Variants in MGAM2 observed in about 807,000 individuals in gnomAD.
MGAM2 encodes maltase-glucoamylase 2 (putative), also known as probable maltase-glucoamylase 2.
Under a neutral mutation model 96.1 loss-of-function variants are expected in MGAM2, and 98 were observed. The ratio of observed to expected loss-of-function variants is 1.02; its 90% CI spans 0.87 to 1.21. The LOEUF (loss-of-function observed/expected upper bound fraction) is 1.21, where lower values mean the gene tolerates loss of function less well. Ranked by LOEUF, MGAM2 falls within the 50% of genes most tolerant of loss-of-function variation. The pLI, the probability that MGAM2 is intolerant of heterozygous loss-of-function variation, is 0.00. For missense variants in MGAM2, 2,055 were observed against 1,182.4 expected, an observed-to-expected ratio of 1.74 and a Z score of -10.82; for synonymous variants, 749 against 414.8, an observed-to-expected ratio of 1.81 and a Z score of -9.79.
chr7:142,197,509 A>G lies in MGAM2; in HGVS notation c.4742A>G (p.His1581Arg), dbSNP rs1563289715. ...PYLYTLMHKA[H>R]VEGSTVVRPL... Reference sequence around the variant, plus strand: ...CTCTATACTCTGATGCATAAAGCTCACGTTGAGGGCAGCACAGTTGTCCGG... The same window carrying G: ...CTCTATACTCTGATGCATAAAGCTCGCGTTGAGGGCAGCACAGTTGTCCGG... The change falls in exon 41 of 48, where the codon CAC becomes CGC. Residue 1581 changes from histidine (H) to arginine (R), a missense_variant. Transcript: ENST00000477922. The G allele has an allele frequency of 1.4e-6, 1 of 703,040 alleles. No homozygotes were observed. Among genetic ancestry groups the G allele is most frequent in the Non-Finnish European group, 2.6e-6 (1 of 385,060 alleles). 43.6% of individuals were successfully genotyped at this position (703,040 alleles called of 1,614,324 possible).
intron 32 of MGAM2, among the ~76,000 whole-genome samples, chr7:142,177,065 G>A (rs1796401209): frequency 6.6e-6 from 1 of 152,122 alleles, no homozygotes; most frequent in African/African-American, 2.4e-5. Flanking sequence ...TTACAAAAGT[G>A]TATTGTGTAA....
In MGAM2 at chr7:142,120,528, A is replaced by C. The variant is rs1794538888; in HGVS notation, c.186+147A>C. On this transcript the variant is annotated intron_variant, in intron 3 of 47. Coordinates refer to ENST00000477922, the MANE Select transcript of MGAM2 (RefSeq NM_001293626.2). Reference sequence around the variant, plus strand: ...TTCTTTCTTATCTTATTGAAATAACAATATTAAGATCGTGAGGGAAGCAGG... The same window carrying C: ...TTCTTTCTTATCTTATTGAAATAACCATATTAAGATCGTGAGGGAAGCAGG... The C allele has an allele frequency of 5.4e-6, 3 of 554,506 alleles. No individual in the cohort carries two copies. The Admixed American group carries it at 9.1e-5, about 17-fold the overall frequency. The allele number at this position is 554,506 out of a possible 1,614,324, so 34.3% of individuals were successfully genotyped here.
chr7:142,150,445 C>T (rs1795540497), intron 15 of MGAM2, among the ~76,000 whole-genome samples: 1 of 152,068 alleles, frequency 6.6e-6, no homozygotes, highest in Non-Finnish European at 1.5e-5. Flanking sequence ...TTATCATCAT[C>T]CCTCACACAA....
At chr7:142,145,063 C>G in intron 14 of MGAM2, 118 bp downstream of exon 14, 2 of 607,876 alleles carry the variant, frequency 3.3e-6, no homozygotes, top group South Asian at 4.0e-5. Context: ...TCCTAAACAT[C>G]CTGAGCACTC....
At chr7:142,165,062 G>T (rs1175479098) in intron 24 of MGAM2, 39 bp downstream of exon 24, 2 of 644,894 alleles carry the variant, frequency 3.1e-6, no homozygotes, top group South Asian at 1.8e-5. Context: ...CTTTCCAGAG[G>T]CCTTGGCTCT....
At chr7:142,145,497 T>G (rs546268927) in intron 14 of MGAM2, among the ~76,000 whole-genome samples, 1 of 152,284 alleles carries the variant, frequency 6.6e-6, no homozygotes, top group Admixed American at 6.5e-5. Context: ...CCATTTCTAG[T>G]CAAGGTCAAT....
intron 7 of MGAM2, among the ~76,000 whole-genome samples, chr7:142,135,410 C>T (rs958393286): frequency 3.3e-5 from 5 of 152,002 alleles, no homozygotes; most frequent in Non-Finnish European, 7.4e-5. Context: ...TGTTTTTCTT[C>T]CTTTCTTTTT....
rs560088989 is a variant in MGAM2 at position 142,196,807 on chromosome 7, C to T, written c.4623C>T (p.Ile1541=). Residue 1541 remains isoleucine (I), a synonymous_variant, in exon 40 of 48, where the codon ATC becomes ATT. Transcript: ENST00000477922. The part of the protein sequence containing the change: ...FYPFSRNHNN[I]GTRRQDPVAW... Reference sequence around the variant, plus strand: ...CATTTTCCAGAAACCACAACAACATCGGGACAAGGGTGAGGCAGTAGTTCG... The same window carrying T: ...CATTTTCCAGAAACCACAACAACATTGGGACAAGGGTGAGGCAGTAGTTCG... The T allele has an allele frequency of 1.5e-5, 12 of 779,882 alleles. No individual in the cohort carries two copies. Among genetic ancestry groups the T allele is most frequent in the East Asian group, 4.9e-5 (2 of 41,186 alleles). 48.3% of individuals were successfully genotyped at this position (779,882 alleles called of 1,614,324 possible). A position where few individuals can be genotyped will look rare whatever the true frequency, so the allele number is the denominator to read the frequency against.
At chr7:142,192,534 T>C (rs1212304067) in intron 37 of MGAM2, among the ~76,000 whole-genome samples, 2 of 152,196 alleles carry the variant, frequency 1.3e-5, no homozygotes, top group African/African-American at 4.8e-5. Flanking sequence ...CAGAAAGTCT[T>C]CATAGAAGAA....
At chr7:142,203,164 A>G (rs1044567651) in intron 45 of MGAM2, among the ~76,000 whole-genome samples, 11 of 152,168 alleles carry the variant, frequency 7.2e-5, no homozygotes, top group Non-Finnish European at 1.2e-4. Context: ...AGTTTCTTAT[A>G]GAATCTGGAT....
chr7:142,138,321 T>G (rs970796474), intron 9 of MGAM2, among the ~76,000 whole-genome samples: 1 of 151,550 alleles, frequency 6.6e-6, no homozygotes, highest in Admixed American at 6.6e-5. Context: ...TCCCCTAAGA[T>G]GACACCATTA....
chr7:142,165,210 C>G (rs1255423767), intron 24 of MGAM2, among the ~76,000 whole-genome samples, 187 bp downstream of exon 24: 1 of 152,148 alleles, frequency 6.6e-6, no homozygotes, highest in Non-Finnish European at 1.5e-5. Context: ...TTGTTTGTAT[C>G]AGGGCTCTGA....
intron 35 of MGAM2, among the ~76,000 whole-genome samples, chr7:142,186,355 C>G (rs10258662): frequency 0.32 from 49,275 of 151,910 alleles, 10,741 homozygotes; most frequent in African/African-American, 0.62. Context: ...ACTGCTACTG[C>G]TGGAGATGCC....
At chr7:142,138,149 A>G (rs968920054) in intron 9 of MGAM2, among the ~76,000 whole-genome samples, 1 of 152,218 alleles carries the variant, frequency 6.6e-6, no homozygotes, top group Non-Finnish European at 1.5e-5. Context: ...ACACACCACT[A>G]TCTGAAATTA....
At chr7:142,155,702 T>G (rs1795714346) in intron 17 of MGAM2, among the ~76,000 whole-genome samples, 1 of 152,134 alleles carries the variant, frequency 6.6e-6, no homozygotes, top group Non-Finnish European at 1.5e-5. Context: ...GGGTGGGTGC[T>G]CTTCATGAAG....
intron 27 of MGAM2, among the ~76,000 whole-genome samples, 199 bp downstream of exon 27, chr7:142,170,428 A>G (rs1796153054): frequency 2.6e-5 from 4 of 152,218 alleles, no homozygotes; most frequent in Admixed American, 6.5e-5. Flanking sequence ...ATCAAAGTTT[A>G]AAGAAATGAA....
chr7:142,199,244 A>G (rs555234316), intron 44 of MGAM2, among the ~76,000 whole-genome samples: 1 of 152,358 alleles, frequency 6.6e-6, no homozygotes, highest in East Asian at 1.9e-4. Context: ...ATTAAACAGA[A>G]CACGTCACAT....
intron 19 of MGAM2, among the ~76,000 whole-genome samples, chr7:142,158,785 T>G (rs990512402): frequency 2.0e-5 from 3 of 152,176 alleles, no homozygotes; most frequent in Non-Finnish European, 4.4e-5. Flanking sequence ...AAGGACCATG[T>G]GTATCCTATT....
chr7:142,217,639 G>A (rs1797805445), intron 46 of MGAM2, among the ~76,000 whole-genome samples: 1 of 152,168 alleles, frequency 6.6e-6, no homozygotes, highest in Non-Finnish European at 1.5e-5. Context: ...GGGCCATAAA[G>A]AGAGGTTGGT....
Sources: allele counts gnomAD v4.1 joint callset (sites outside exome capture counted in the v4.1 genomes callset), GRCh38; gene constraint gnomAD v4.1.1; transcripts MANE v1.5; gene names NCBI Gene and HGNC (gene_info 2026-07-23, HGNC 2026-07-21).